Variants in RAB3IL1 observed in about 807,000 individuals in gnomAD.
The protein encoded by RAB3IL1 is guanine nucleotide exchange factor for Rab-3A.
A neutral mutation model predicts 49.2 loss-of-function variants in RAB3IL1; 37 were observed. The ratio of observed to expected loss-of-function variants is 0.75; its 90% CI spans 0.58 to 0.99. The LOEUF is 0.99. Ranked by LOEUF, RAB3IL1 falls within the 50% of genes least tolerant of loss-of-function variation. RAB3IL1 has a pLI of 0.00. For missense variants in RAB3IL1, 484 were observed against 513.0 expected, an observed-to-expected ratio of 0.94 and a Z score of 0.55; for synonymous variants, 193 against 213.9, an observed-to-expected ratio of 0.90 and a Z score of 0.85.
chr11:61,945,109 G>T, the RAB3IL1 span, among the ~76,000 whole-genome samples: 1 of 152,180 alleles, frequency 6.6e-6, no homozygotes, highest in East Asian at 1.9e-4. Context: ...GGCAGCTAAG[G>T]CAGCCTGCCG....
chr11:61,904,831 G>C lies in RAB3IL1; in HGVS notation c.709C>G (p.Leu237Val). The change falls in exon 6 of 10, where the codon CTG becomes GTG. Residue 237 changes from leucine to valine, a missense_variant. Transcript: ENST00000394836. ...TCCAGGAAGGGGCAGGTCTTGTCCA[G>C]GGTGGGGGATTCCCTCCAGGCCTGG... is the stretch of plus-strand genomic sequence containing the variant. ...EFQAWRESPT[L>V]DKTCPFLERV... The C allele has an allele frequency of 6.2e-7, 1 of 1,611,238 alleles. No individual in the cohort carries two copies. Among genetic ancestry groups the C allele is most frequent in the Non-Finnish European group, 8.5e-7 (1 of 1,178,616 alleles).
the RAB3IL1 span, among the ~76,000 whole-genome samples, chr11:61,944,220 C>CTCCTTCCTTCCT: frequency 0.046 from 1,690 of 37,048 alleles, 85 homozygotes; most frequent in African/African-American, 0.076. Context: ...CCTTCCTTCC[C>CTCCTTCCTTCCT]TCCTTCCTTC....
upstream of RAB3IL1, among the ~76,000 whole-genome samples, chr11:61,917,888 C>A (rs1939779266): frequency 6.6e-6 from 1 of 152,164 alleles, no homozygotes; most frequent in Non-Finnish European, 1.5e-5. Flanking sequence ...CCAGCAGACA[C>A]CCTCCCCCCT....
chr11:61,934,446 GTA>G, the RAB3IL1 span, among the ~76,000 whole-genome samples: 2,703 of 24,276 alleles, frequency 0.11, 250 homozygotes, highest in South Asian at 0.22. Flanking sequence ...GTGTGTGTGT[GTA>G]TGTATATATA....
intron 1 of RAB3IL1, 120 bp downstream of exon 1, chr11:61,917,237 G>T: frequency 7.8e-7 from 1 of 1,282,652 alleles, no homozygotes; most frequent in South Asian, 2.2e-5. Flanking sequence ...AGGCAGGGCG[G>T]GGGCGCACAG....
At chr11:61,927,126 G>A in the RAB3IL1 span, among the ~76,000 whole-genome samples, 1 of 152,186 alleles carries the variant, frequency 6.6e-6, no homozygotes, top group Non-Finnish European at 1.5e-5. Context: ...CTATAGGCAT[G>A]AGCCAACGCA....
At chr11:61,916,945 C>A (rs190985137) in intron 1 of RAB3IL1, among the ~76,000 whole-genome samples, 2 of 152,124 alleles carry the variant, frequency 1.3e-5, no homozygotes, top group African/African-American at 4.8e-5. Context: ...AAGACCCAGC[C>A]CCTCTTTCCC....
At chr11:61,934,464 A>G in the RAB3IL1 span, among the ~76,000 whole-genome samples, 1,732 of 47,670 alleles carry the variant, frequency 0.036, 127 homozygotes, top group African/African-American at 0.092. Flanking sequence ...ATATATATAT[A>G]TATATATATA....
chr11:61,904,789 C>G lies in RAB3IL1; in HGVS notation c.751G>C (p.Asp251His). The change falls in exon 6 of 10, where the codon GAC becomes CAC. Residue 251 changes from aspartate to histidine, a missense_variant. Physicochemically the swap from Asp to His is moderately conservative, Grantham distance 81. Transcript: ENST00000394836. ...CPFLERVYRE[D>H]VGPCLDFTMQ... ...GTGAAGTCCAGGCAGGGGCCCACGT[C>G]CTCTCGGTACACCCTTTCCAGGAAG... 1 of 1,610,284 alleles carries G rather than the reference C, an allele frequency of 6.2e-7. No homozygotes were observed. Among genetic ancestry groups the G allele is most frequent in the Middle Eastern group, 1.7e-4 (1 of 6,054 alleles).
intron 1 of RAB3IL1, among the ~76,000 whole-genome samples, chr11:61,916,122 G>A (rs1178769735): frequency 1.3e-5 from 2 of 151,894 alleles, no homozygotes; most frequent in African/African-American, 4.8e-5. Context: ...GAGGCTGGTG[G>A]ATCACCTGAG....
At chr11:61,900,349 A>G (rs1032988492) in intron 8 of RAB3IL1, among the ~76,000 whole-genome samples, 3 of 152,262 alleles carry the variant, frequency 2.0e-5, no homozygotes, top group African/African-American at 2.4e-5. Flanking sequence ...CCCGCCCGCA[A>G]CAGCCCCTAC....
chr11:61,935,468 C>T, the RAB3IL1 span, among the ~76,000 whole-genome samples: 34 of 151,196 alleles, frequency 2.2e-4, no homozygotes, highest in African/African-American at 7.8e-4. Context: ...GAAGCACAGA[C>T]ATTAGACTTT....
the RAB3IL1 span, among the ~76,000 whole-genome samples, chr11:61,930,254 G>A: frequency 6.6e-6 from 1 of 152,116 alleles, no homozygotes; most frequent in Admixed American, 6.5e-5. Context: ...TGGAGGGGAG[G>A]TGATATTTGT....
Position 61,899,359 on chromosome 11 carries a change from A to G in RAB3IL1, c.1021T>C (p.Phe341Leu), listed in dbSNP as rs1938783899. 1.2e-6 allele frequency: 2 copies of G among 1,609,522 alleles called. No homozygotes were observed. The highest frequency in any genetic ancestry group is 1.7e-6 in the Non-Finnish European group (2 of 1,179,802). The change falls in exon 9 of 10, where the codon TTC becomes CTC. Residue 341 changes from phenylalanine (F) to leucine (L), a missense_variant. Transcript: ENST00000394836. Reference sequence around the variant, plus strand: ...TGCTGGATGTAGCGGATGTAGGTGAAGAAGTTGCACACTGCGGTGATCTGT... The same window carrying G: ...TGCTGGATGTAGCGGATGTAGGTGAGGAAGTTGCACACTGCGGTGATCTGT... ...RARITAVCNF[F>L]TYIRYIQQGL... is the part of the protein sequence containing the mutation.
the RAB3IL1 span, among the ~76,000 whole-genome samples, chr11:61,928,493 C>G: frequency 6.6e-6 from 1 of 152,020 alleles, no homozygotes; most frequent in South Asian, 2.1e-4. Context: ...AGCTAGGACC[C>G]TCAAAATACA....
upstream of RAB3IL1, among the ~76,000 whole-genome samples, chr11:61,921,126 G>A (rs1939895835): frequency 6.6e-6 from 1 of 152,046 alleles, no homozygotes; most frequent in African/African-American, 2.4e-5. Flanking sequence ...AGCCTCCTGA[G>A]CAGCTGGGAC....
chr11:61,921,230 A>G (rs1169669867), upstream of RAB3IL1, among the ~76,000 whole-genome samples: 1 of 151,846 alleles, frequency 6.6e-6, no homozygotes, highest in African/African-American at 2.4e-5. Flanking sequence ...TCTCACCACC[A>G]CCGCCCAGGA....
chr11:61,940,651 G>A, the RAB3IL1 span, among the ~76,000 whole-genome samples: 15 of 149,800 alleles, frequency 1.0e-4, no homozygotes, highest in South Asian at 2.1e-4. Context: ...GGCTGGGCGC[G>A]GTGGCTCACG....
At chr11:61,934,446 G>GTGTATATATATA in the RAB3IL1 span, among the ~76,000 whole-genome samples, 1 of 24,404 alleles carries the variant, frequency 4.1e-5, no homozygotes, top group South Asian at 2.3e-3. Context: ...GTGTGTGTGT[G>GTGTATATATATA]TATGTATATA....
Sources: gnomAD v4.1 joint callset for allele counts (sites outside exome capture counted in the v4.1 genomes callset) on GRCh38, gnomAD v4.1.1 for gene constraint, MANE v1.5 for transcripts, NCBI Gene and HGNC (gene_info 2026-07-23, HGNC 2026-07-21) for gene names.